NCAPD3: variants seen among roughly 807,000 people sequenced by gnomAD.
NCAPD3 encodes condensin-2 complex subunit D3.
A neutral mutation model predicts 182.9 loss-of-function variants in NCAPD3; 105 were observed. The observed-to-expected ratio is 0.57, with a 90% CI of 0.49 to 0.68. The LOEUF (loss-of-function observed/expected upper bound fraction) is 0.68, where lower values mean the gene tolerates loss of function less well. Among genes scored for constraint, NCAPD3 ranks in the 30% least tolerant of loss-of-function variants. The probability of loss-of-function intolerance (pLI) is 0.00; values close to 1 mark genes in which losing one functional copy is unlikely to be tolerated. For missense variants in NCAPD3, 1,944 were observed against 1,837.0 expected (o/e 1.06, Z -1.07); for synonymous variants, 815 against 679.9 (o/e 1.20, Z -3.09).
chr11:134,211,264 G>A (rs745406155), intron 3 of NCAPD3, among the ~76,000 whole-genome samples: 1 of 152,196 alleles, frequency 6.6e-6, no homozygotes, highest in Middle Eastern at 3.2e-3. Flanking sequence ...AAAGGATCAA[G>A]TTAATCCACC....
intron 4 of NCAPD3, 40 bp downstream of exon 4, chr11:134,210,230 T>C: frequency 6.5e-7 from 1 of 1,530,198 alleles, no homozygotes; most frequent in African/African-American, 1.4e-5. Flanking sequence ...AAGCAAATCG[T>C]GTGTTGGTAT....
At chr11:134,188,588 GAACA>G (rs1565541904) in intron 16 of NCAPD3, among the ~76,000 whole-genome samples, 1 of 152,132 alleles carries the variant, frequency 6.6e-6, no homozygotes, top group Non-Finnish European at 1.5e-5. Flanking sequence ...CCACCAGGAG[GAACA>G]AACAACTCCG....
At chr11:134,207,742 CAAAAA>C (rs34965902) in intron 7 of NCAPD3, among the ~76,000 whole-genome samples, 5 of 62,102 alleles carry the variant, frequency 8.1e-5, no homozygotes, top group African/African-American at 1.7e-4. Flanking sequence ...GACTGCGTCT[CAAAAA>C]AAAAAAAAAA....
chr11:134,194,278 T>C lies in NCAPD3; in HGVS notation c.1690-128A>G. ...CATTTTGGGGTCATGGATCCAACCT[T>C]CCTCCTCACAACATCCCATTTTTCA... On this transcript the variant is annotated intron_variant, in intron 14 of 34. Transcript: ENST00000534548. The C allele has an allele frequency of 3.2e-6, 3 of 934,094 alleles. No homozygotes were observed. The Middle Eastern group carries it at 7.8e-4, about 242-fold the overall frequency. 57.9% of individuals were successfully genotyped at this position (934,094 alleles called of 1,614,324 possible).
intron 24 of NCAPD3, among the ~76,000 whole-genome samples, chr11:134,171,488 A>G (rs1287499977): frequency 6.6e-6 from 1 of 152,136 alleles, no homozygotes. Context: ...TCTGCTCAAT[A>G]AAGGCAGACT....
intron 16 of NCAPD3, among the ~76,000 whole-genome samples, chr11:134,188,720 GA>G (rs1470382062): frequency 6.6e-6 from 1 of 152,114 alleles, no homozygotes; most frequent in African/African-American, 2.4e-5. Flanking sequence ...CCGAACATCT[GA>G]AGGAACAAAC....
chr11:134,161,432 C>T (rs1943577326), intron 28 of NCAPD3, among the ~76,000 whole-genome samples: 1 of 152,158 alleles, frequency 6.6e-6, no homozygotes, highest in Admixed American at 6.5e-5. Context: ...GAAATCAAAC[C>T]CGAAGACTCA....
intron 24 of NCAPD3, chr11:134,173,520 G>A (rs1054810174): frequency 4.6e-5 from 7 of 153,574 alleles, no homozygotes; most frequent in Non-Finnish European, 8.8e-5. Context: ...TAGCAGCACT[G>A]GGGCGGCCCC....
chr11:134,193,391 T>C (rs1944562581), intron 15 of NCAPD3, among the ~76,000 whole-genome samples: 1 of 152,280 alleles, frequency 6.6e-6, no homozygotes, highest in African/African-American at 2.4e-5. Context: ...CCTAATTGAC[T>C]AAATTTAATC....
rs1943284978 is a variant in NCAPD3 at position 134,152,666 on chromosome 11, A to C, written c.*278T>G. On this transcript the variant is annotated 3_prime_UTR_variant, in exon 35 of 35. Coordinates refer to ENST00000534548, the MANE Select transcript of NCAPD3 (RefSeq NM_015261.3). ...AAAGACCAGATTATAGCTTATCTGA[A>C]TGGGCTTGACACTTTCAAATGGAAT... 1 of 314,630 alleles carries C rather than the reference A, an allele frequency of 3.2e-6. No homozygotes were observed. The allele number at this position is 314,630 out of a possible 1,614,324, so 19.5% of individuals were successfully genotyped here. A position where few individuals can be genotyped will look rare whatever the true frequency, so the allele number is the denominator to read the frequency against.
intron 1 of NCAPD3, among the ~76,000 whole-genome samples, 194 bp downstream of exon 1, chr11:134,223,669 G>A (rs1176390320): frequency 6.6e-6 from 1 of 152,224 alleles, no homozygotes; most frequent in African/African-American, 2.4e-5. Flanking sequence ...GGGTGGCCTG[G>A]CCGGCTTGAG....
At chr11:134,218,348 C>G (rs944605460) in intron 2 of NCAPD3, among the ~76,000 whole-genome samples, 12 of 152,174 alleles carry the variant, frequency 7.9e-5, no homozygotes, top group Admixed American at 3.3e-4. Context: ...CCCGTCCAAT[C>G]AGCTCTCCAT....
chr11:134,173,229 G>T, intron 24 of NCAPD3: 1 of 153,334 alleles, frequency 6.5e-6, no homozygotes, highest in South Asian at 1.8e-4. Flanking sequence ...CTGTTCAGTA[G>T]GGGGCTGCTG....
At chr11:134,163,638 T>C (rs568691983) in intron 27 of NCAPD3, among the ~76,000 whole-genome samples, 3 of 149,756 alleles carry the variant, frequency 2.0e-5, no homozygotes, top group East Asian at 2.0e-4. Flanking sequence ...GGGGCAGAGC[T>C]TGCACTGAGC....
chr11:134,196,653 AAAAAAAAAAG>A (rs1319033536), intron 13 of NCAPD3, among the ~76,000 whole-genome samples: 1 of 151,324 alleles, frequency 6.6e-6, no homozygotes, highest in African/African-American at 2.4e-5. Flanking sequence ...CTCAAAAAAA[AAAAAAAAAAG>A]AAAAGAAAAG....
intron 6 of NCAPD3, 70 bp downstream of exon 6, chr11:134,209,075 T>A: frequency 6.6e-7 from 1 of 1,513,008 alleles, no homozygotes; most frequent in Non-Finnish European, 9.1e-7. Flanking sequence ...AAATGGTATT[T>A]CCATTTCTGC....
chr11:134,163,266 G>C (rs557179962), intron 27 of NCAPD3, among the ~76,000 whole-genome samples: 4 of 152,250 alleles, frequency 2.6e-5, no homozygotes, highest in Non-Finnish European at 5.9e-5. Context: ...ACTTCCATGA[G>C]CTTTGACAAA....
chr11:134,175,867 T>C (rs1944148124), intron 24 of NCAPD3, among the ~76,000 whole-genome samples: 1 of 152,232 alleles, frequency 6.6e-6, no homozygotes, highest in Non-Finnish European at 1.5e-5. Context: ...TGATTCCACA[T>C]TGTGCAATTT....
intron 13 of NCAPD3, among the ~76,000 whole-genome samples, chr11:134,199,116 A>G (rs1440508692): frequency 6.6e-6 from 1 of 152,144 alleles, no homozygotes; most frequent in East Asian, 1.9e-4. Flanking sequence ...AATACAAGGG[A>G]CCCAGAATAG....
Sources: allele counts gnomAD v4.1 joint callset (sites outside exome capture counted in the v4.1 genomes callset), GRCh38; gene constraint gnomAD v4.1.1; transcripts MANE v1.5; gene names NCBI Gene and HGNC (gene_info 2026-07-23, HGNC 2026-07-21).